CARD10: variants seen among roughly 807,000 people sequenced by gnomAD.
CARD10 encodes caspase recruitment domain family member 10.
In CARD10, 49 loss-of-function variants were observed where a neutral mutation model predicts 114.6. The ratio of observed to expected loss-of-function variants is 0.43; its 90% CI spans 0.34 to 0.54. CARD10 has a LOEUF of 0.54. Among genes scored for constraint, CARD10 ranks in the 20% least tolerant of loss-of-function variants. The pLI is 0.03. For synonymous variants in CARD10, 602 were observed against 593.2 expected (o/e 1.01, Z -0.21); for missense variants, 1,206 against 1,397.2 (o/e 0.86, Z 2.18).
Position 37,519,272 on chromosome 22 carries a change from G to A in CARD10, c.-72C>T, listed in dbSNP as rs968717080. 4 of 1,390,526 alleles carry A rather than the reference G, an allele frequency of 2.9e-6. No individual in the cohort carries two copies. The highest frequency in any genetic ancestry group is 3.0e-5 in the African/African-American group (2 of 65,828). The allele number at this position is 1,390,526 out of a possible 1,614,324, so 86.1% of individuals were successfully genotyped here. A position where few individuals can be genotyped will look rare whatever the true frequency, so the allele number is the denominator to read the frequency against. On this transcript the variant is annotated 5_prime_UTR_variant, in exon 1 of 20. Transcript: ENST00000251973. The surrounding 1 kb of genome is among the most constrained non-coding windows in gnomAD (Gnocchi z 4.1). ...CAGGGCTCCCTAGGGCTAGATGTGC[G>A]GCCAAGCACCCCCGGGGCGTCGTCC...
At position 37,507,863 on chromosome 22, in the gene CARD10, G is replaced by T. The variant is rs772433943; in HGVS notation, c.1157C>A (p.Ala386Asp). The T allele has an allele frequency of 6.2e-7, 1 of 1,614,188 alleles. No individual in the cohort carries two copies. Among genetic ancestry groups the T allele is most frequent in the South Asian group, 1.1e-5 (1 of 91,088 alleles). The change falls in exon 6 of 20, where the codon GCC becomes GAC. Residue 386 changes from alanine to aspartate, a missense_variant. Physicochemically the swap from Ala to Asp is moderately radical, Grantham distance 126. Coordinates refer to ENST00000251973, the MANE Select transcript of CARD10 (RefSeq NM_014550.4). ...CTCCTTCTCAATCTCCTCCAGTTGGGCCAGGACAGTGGCCATGCGGTGCTT... is the reference window on the plus strand; with the variant it reads ...CTCCTTCTCAATCTCCTCCAGTTGGTCCAGGACAGTGGCCATGCGGTGCTT... ...LYKHRMATVLAQLEEIEKERD... is the reference protein window; with the variant it reads ...LYKHRMATVLDQLEEIEKERD...
In CARD10 at chr22:37,506,305, G is replaced by C; in HGVS notation, c.1270C>G (p.Arg424Gly). The C allele has an allele frequency of 6.2e-7, 1 of 1,610,576 alleles. No individual in the cohort carries two copies. The change falls in exon 7 of 20, where the codon CGG (arginine) becomes GGG (glycine). Residue 424 changes from arginine to glycine, a missense_variant. Physicochemically the swap from Arg to Gly is moderately radical, Grantham distance 125. Around this residue, in one of 2 missense-constraint regions of CARD10, gnomAD observed 1,068 missense variants for 1,179.1 expected, o/e 0.91. Transcript: ENST00000251973. ...TCATCCCGCTCCGCCTCCAGGCCCC[G>C]CACCTGCTTGCGGTACTGGTCCTTC... ...IEKDQYRKQVRGLEAERDELL... is the reference protein window; with the variant it reads ...IEKDQYRKQVGGLEAERDELL...
rs1292294481 is a variant in CARD10, at chr22:37,508,644, G to A, written c.948C>T (p.Ile316=). Residue 316 remains isoleucine (I), a synonymous_variant, in exon 5 of 20, where the codon ATC becomes ATT. Coordinates refer to ENST00000251973, the MANE Select transcript of CARD10 (RefSeq NM_014550.4). ...SRPGAPGSER[I]LLDILEHDWR... ...AGTCATGCTCTAGGATGTCCAGCAG[G>A]ATGCGCTCGGAGCCCGGGGCCCCCG... 3.8e-6 allele frequency: 6 copies of A among 1,582,930 alleles called. No homozygotes were observed. Among genetic ancestry groups the A allele is most frequent in the Admixed American group, 1.8e-5 (1 of 56,494 alleles).
intron 3 of CARD10, among the ~76,000 whole-genome samples, chr22:37,511,144 GGCAGATGGAGACTA>G (rs1193096037): frequency 6.6e-6 from 1 of 150,984 alleles, no homozygotes; most frequent in African/African-American, 2.4e-5. Context: ...GGCCGAGGCG[GGCAGATGGAGACTA>G]GCCTAGTTAA....
intron 3 of CARD10, among the ~76,000 whole-genome samples, chr22:37,511,642 C>T (rs555920269): frequency 1.0e-3 from 153 of 146,376 alleles, no homozygotes; most frequent in African/African-American, 3.6e-3. Context: ...CTCATCTGTA[C>T]GGGGGGGGTG....
rs781345473 is a variant in CARD10, at chr22:37,508,519, G to T, written c.1065+8C>A. ...CGCACAAGGGGCAGGGCACGGGCAG[G>T]GCCCCACCTGGTCGCGCAGCTCCTC... On this transcript the variant is annotated splice_region_variant and intron_variant, in intron 5 of 19. Transcript: ENST00000251973. 2 of 1,585,924 alleles carry T rather than the reference G, an allele frequency of 1.3e-6. No homozygotes were observed. Among genetic ancestry groups the T allele is most frequent in the South Asian group, 2.3e-5 (2 of 88,756 alleles).
Position 37,491,353 on chromosome 22 carries a change from G to A in CARD10, c.2905C>T (p.Leu969=). ...TGCTCTGAGCCACGGCACTGCCGCA[G>A]CAGCTCTGAGTCCCGCCAGCCCGGC... is the stretch of plus-strand genomic sequence containing the variant. The part of the protein sequence containing the change: ...GRPGWRDSEL[L]RQCRGSEQVL... Residue 969 remains leucine, a synonymous_variant, in exon 20 of 20, where the codon CTG becomes TTG. Coordinates refer to ENST00000251973, the MANE Select transcript of CARD10 (RefSeq NM_014550.4). The A allele has an allele frequency of 2.0e-6, 3 of 1,532,958 alleles. No homozygotes were observed. Among genetic ancestry groups the A allele is most frequent in the Non-Finnish European group, 2.6e-6 (3 of 1,141,972 alleles). The allele number at this position is 1,532,958 out of a possible 1,614,324, so 95.0% of individuals were successfully genotyped here. A position where few individuals can be genotyped will look rare whatever the true frequency, so the allele number is the denominator to read the frequency against.
In CARD10 at chr22:37,496,752, C is replaced by A. The variant is rs980292708; in HGVS notation, c.1948-192G>T. 1 of 632,160 alleles carries A rather than the reference C, an allele frequency of 1.6e-6. No individual in the cohort carries two copies. The highest frequency in any genetic ancestry group is 2.7e-6 in the Non-Finnish European group (1 of 366,322). The allele number at this position is 632,160 out of a possible 1,614,324, so 39.2% of individuals were successfully genotyped here. A position where few individuals can be genotyped will look rare whatever the true frequency, so the allele number is the denominator to read the frequency against. On this transcript the variant is annotated intron_variant, in intron 12 of 19. Coordinates refer to ENST00000251973, the MANE Select transcript of CARD10 (RefSeq NM_014550.4). The surrounding 1 kb of genome is among the most constrained non-coding windows in gnomAD (Gnocchi z 4.1). ...GGACGCCCCCATCCACAGGACTCCCCAACCCGCCCAGCTCATCCAGGTCTT... is the reference window on the plus strand; with the variant it reads ...GGACGCCCCCATCCACAGGACTCCCAAACCCGCCCAGCTCATCCAGGTCTT...
chr22:37,494,535 AG>A (rs1922924820), intron 15 of CARD10: 1 of 332,702 alleles, frequency 3.0e-6, no homozygotes. Flanking sequence ...GGCAAACTTT[AG>A]GGTCTCTTCC....
intron 3 of CARD10, among the ~76,000 whole-genome samples, chr22:37,511,647 G>C (rs574050498): frequency 1.5e-4 from 23 of 152,074 alleles, no homozygotes; most frequent in African/African-American, 2.2e-4. Context: ...CTGTACGGGG[G>C]GGGTGTGAGG....
In CARD10 at chr22:37,495,818, G is replaced by A. The variant is rs752952042; in HGVS notation, c.2245C>T (p.Arg749Trp). 1 of 1,614,062 alleles carries A rather than the reference G, an allele frequency of 6.2e-7. No homozygotes were observed. The highest frequency in any genetic ancestry group is 1.1e-5 in the South Asian group (1 of 91,086). Residue 749 changes from arginine to tryptophan, a missense_variant, in exon 14 of 20, where the codon CGG becomes TGG. Arg to Trp is a moderately radical substitution (Grantham distance 101, BLOSUM62 -3). Around this residue, in one of 2 missense-constraint regions of CARD10, gnomAD observed 1,068 missense variants for 1,179.1 expected, o/e 0.91. Transcript: ENST00000251973. ...TCCCGCAGAGTGAGGGGGTCAACCC[G>A]GGTGCAGAACCATTCCTGCCTCCGC... ...YKRRQEWFCT[R>W]VDPLTLRDLD...
In CARD10 at chr22:37,519,021, C is replaced by T. The variant is rs775015957; in HGVS notation, c.180G>A (p.Gln60=). 6.3e-6 allele frequency: 10 copies of T among 1,594,098 alleles called. No homozygotes were observed. The East Asian group carries it at 2.2e-4, about 36-fold the overall frequency. Residue 60 remains glutamine (Q), a synonymous_variant, in exon 1 of 20, where the codon CAG becomes CAA. Coordinates refer to ENST00000251973, the MANE Select transcript of CARD10 (RefSeq NM_014550.4). This position sits in a 1 kb window ranked among gnomAD's most constrained non-coding sequence, Gnocchi z 4.1. The part of the protein sequence containing the change: ...YLRQCRVIDE[Q]DEEEVLSTYR... ...AGGTGCTCAGCACCTCCTCCTCGTC[C>T]TGCTCGTCGATGACCCGGCACTGGC... is the stretch of plus-strand genomic sequence containing the variant.
chr22:37,497,036 T>C lies in CARD10; in HGVS notation c.1930A>G (p.Arg644Gly). Reference sequence around the variant, plus strand: ...GGCCTCACCTCTCTTGGTTCCATCCTGGCGGACCCAGGCCCAGACAGCACC... The same window carrying C: ...GGCCTCACCTCTCTTGGTTCCATCCCGGCGGACCCAGGCCCAGACAGCACC... The part of the protein sequence containing the change: ...RRVLSGPGSA[R>G]MEPREQRVEA... Residue 644 changes from arginine to glycine, a missense_variant, in exon 12 of 20, where the codon AGG (arginine) becomes GGG (glycine). Physicochemically the swap from Arg to Gly is moderately radical, Grantham distance 125. Around this residue, in one of 2 missense-constraint regions of CARD10, gnomAD observed 1,068 missense variants for 1,179.1 expected, o/e 0.91. Coordinates refer to ENST00000251973, the MANE Select transcript of CARD10 (RefSeq NM_014550.4). 3 of 1,613,538 alleles carry C rather than the reference T, an allele frequency of 1.9e-6. No homozygotes were observed. Among genetic ancestry groups the C allele is most frequent in the Non-Finnish European group, 2.5e-6 (3 of 1,179,762 alleles).
Position 37,510,125 on chromosome 22 carries a change from C to T in CARD10, c.909+87G>A, listed in dbSNP as rs1208577714. 2.9e-5 allele frequency: 32 copies of T among 1,112,552 alleles called. 3 individuals are homozygous for T. The highest frequency in any genetic ancestry group is 4.0e-5 in the Non-Finnish European group (30 of 758,960). The allele number at this position is 1,112,552 out of a possible 1,614,324, so 68.9% of individuals were successfully genotyped here. A position where few individuals can be genotyped will look rare whatever the true frequency, so the allele number is the denominator to read the frequency against. The stretch of plus-strand genomic sequence containing the variant: ...TGCAGGCCTTCCTGATCCCCCACCC[C>T]GCAGCCTGTGCCCACAAGCCCCAGT... On this transcript the variant is annotated intron_variant, in intron 4 of 19. Coordinates refer to ENST00000251973, the MANE Select transcript of CARD10 (RefSeq NM_014550.4).
chr22:37,504,319 G>A lies in CARD10; in HGVS notation c.1519-18C>T. The A allele has an allele frequency of 6.7e-7, 1 of 1,483,004 alleles. No individual in the cohort carries two copies. Among genetic ancestry groups the A allele is most frequent in the South Asian group, 1.3e-5 (1 of 75,640 alleles). The allele number at this position is 1,483,004 out of a possible 1,614,324, so 91.9% of individuals were successfully genotyped here. On this transcript the variant is annotated intron_variant, in intron 8 of 19. Transcript: ENST00000251973. ...GCTTCCTCCTGCAATGCCATGACAG[G>A]GCCTGGGTCACCCCCACTGCCCAGC...
At position 37,493,181 on chromosome 22, in the gene CARD10, C is replaced by A. The variant is rs535428123; in HGVS notation, c.2477-379G>T. Among the ~76,000 whole-genome samples, 22 of 152,276 alleles carry A rather than the reference C, an allele frequency of 1.4e-4. No homozygotes were observed. In the East Asian group the frequency reaches 3.9e-3, roughly 27 times the overall value. ...CCTGGGGAGGCTGCCAGCCACTGAC[C>A]CCACACCACCAGCCTCCACTCTCCC... On this transcript the variant is annotated intron_variant, in intron 16 of 19. Coordinates refer to ENST00000251973, the MANE Select transcript of CARD10 (RefSeq NM_014550.4).
chr22:37,515,577 A>G (rs1158544807), intron 3 of CARD10, among the ~76,000 whole-genome samples: 1 of 151,958 alleles, frequency 6.6e-6, no homozygotes, highest in Non-Finnish European at 1.5e-5. Flanking sequence ...AAAAAAAAAA[A>G]AAAAAACAAC....
intron 14 of CARD10, 39 bp downstream of exon 14, chr22:37,495,721 C>T (rs1460077314): frequency 6.2e-7 from 1 of 1,612,318 alleles, no homozygotes; most frequent in South Asian, 1.1e-5. Context: ...GCCCTGGCTC[C>T]CAGGGGGACC....
chr22:37,494,818 C>T (rs539026981), intron 15 of CARD10, among the ~76,000 whole-genome samples: 1 of 152,324 alleles, frequency 6.6e-6, no homozygotes, highest in Non-Finnish European at 1.5e-5. Context: ...GAGCTGGGGT[C>T]GAATGCAGGC....
Sources: allele counts gnomAD v4.1 joint callset (sites outside exome capture counted in the v4.1 genomes callset), GRCh38; gene constraint gnomAD v4.1.1; regional missense constraint gnomAD v4.1.1; non-coding constraint Gnocchi (gnomAD v3.1); transcripts MANE v1.5; gene names NCBI Gene and HGNC (gene_info 2026-07-23, HGNC 2026-07-21).